Variants in CCDC178 observed in about 807,000 individuals in gnomAD.
The protein encoded by CCDC178 is coiled-coil domain containing 178, also known as coiled-coil domain-containing protein 178.
CCDC178 carries 126 observed loss-of-function variants against 117.4 expected under a neutral mutation model. The ratio of observed to expected loss-of-function variants is 1.07; its 90% CI spans 0.93 to 1.24. The LOEUF is 1.24. Ranked by LOEUF, CCDC178 falls within the 50% of genes most tolerant of loss-of-function variation. CCDC178 has a pLI of 0.00. For missense variants in CCDC178, 1,030 were observed against 986.9 expected, an observed-to-expected ratio of 1.04 and a Z score of -0.59; for synonymous variants, 283 against 313.4, an observed-to-expected ratio of 0.90 and a Z score of 1.02.
chr18:33,264,426 T>C (rs1287200308), intron 14 of CCDC178, among the ~76,000 whole-genome samples: 2 of 152,054 alleles, frequency 1.3e-5, no homozygotes, highest in Non-Finnish European at 2.9e-5. Flanking sequence ...TCTCTTAATC[T>C]CTCTTTCACT....
In CCDC178 at chr18:33,267,307, A is replaced by G. The variant is rs1209069977; in HGVS notation, c.1177-10T>C. The G allele has an allele frequency of 2.0e-6, 3 of 1,520,762 alleles. No individual in the cohort carries two copies. The highest frequency in any genetic ancestry group is 2.7e-6 in the Non-Finnish European group (3 of 1,113,178). 94.2% of individuals were successfully genotyped at this position (1,520,762 alleles called of 1,614,324 possible). On this transcript the variant is annotated splice_polypyrimidine_tract_variant and intron_variant, in intron 12 of 22. Transcript: ENST00000383096. Reference sequence around the variant, plus strand: ...TTCTCAAATCTTCCAGCTAAGAAAGAAGATATACAGAACAAAGTGAATTGT... The same window carrying G: ...TTCTCAAATCTTCCAGCTAAGAAAGGAGATATACAGAACAAAGTGAATTGT...
At chr18:33,282,370 C>G (rs997579089) in intron 12 of CCDC178, among the ~76,000 whole-genome samples, 1 of 152,132 alleles carries the variant, frequency 6.6e-6, no homozygotes, top group African/African-American at 2.4e-5. Context: ...CCTCTAGGCT[C>G]GACTTGCTCC....
At chr18:33,043,169 C>T (rs183196522) in intron 21 of CCDC178, among the ~76,000 whole-genome samples, 14 of 151,684 alleles carry the variant, frequency 9.2e-5, no homozygotes, top group East Asian at 1.9e-4. Flanking sequence ...TTTTAAAATA[C>T]GACATATAGT....
intron 22 of CCDC178, 35 bp downstream of exon 22, chr18:32,974,512 A>C (rs777650739): frequency 1.9e-6 from 3 of 1,601,424 alleles, no homozygotes; most frequent in Non-Finnish European, 2.6e-6. Context: ...AATCTAGATC[A>C]GAATGATCTT....
chr18:33,432,423 T>C (rs1013725342), intron 2 of CCDC178, among the ~76,000 whole-genome samples: 4 of 151,778 alleles, frequency 2.6e-5, no homozygotes, highest in Non-Finnish European at 5.9e-5. Flanking sequence ...TTAAAGATGG[T>C]AGTAATAGAT....
At chr18:32,950,152 G>A (rs927888338) in intron 22 of CCDC178, among the ~76,000 whole-genome samples, 1 of 152,112 alleles carries the variant, frequency 6.6e-6, no homozygotes. Context: ...TGCTTAAAAG[G>A]TTATCCAAGG....
At chr18:33,196,572 G>T (rs1198220934) in intron 20 of CCDC178, among the ~76,000 whole-genome samples, 2 of 152,020 alleles carry the variant, frequency 1.3e-5, no homozygotes, top group African/African-American at 2.4e-5. Context: ...CTGAAGTGAG[G>T]GCAGTCTGGT....
At chr18:33,294,057 A>G (rs7229041) in intron 11 of CCDC178, among the ~76,000 whole-genome samples, 148 of 152,310 alleles carry the variant, frequency 9.7e-4, no homozygotes, top group African/African-American at 3.4e-3. Flanking sequence ...AATAAAGGAA[A>G]TTGTAGCTTA....
At chr18:33,224,999 A>C in intron 16 of CCDC178, 63 bp from the exon 17 acceptor site, 1 of 1,194,458 alleles carries the variant, frequency 8.4e-7, no homozygotes, top group South Asian at 2.2e-5. Context: ...TGAGCCTCTT[A>C]TTCAGTGACA....
chr18:33,172,188 C>T (rs1293537472), intron 20 of CCDC178, among the ~76,000 whole-genome samples: 1 of 152,114 alleles, frequency 6.6e-6, no homozygotes, highest in Non-Finnish European at 1.5e-5. Flanking sequence ...AGCCACCACG[C>T]CCAGCCAATT....
At chr18:33,391,305 T>C (rs1322058568) in intron 4 of CCDC178, among the ~76,000 whole-genome samples, 1 of 151,812 alleles carries the variant, frequency 6.6e-6, no homozygotes, top group East Asian at 1.9e-4. Flanking sequence ...AAACAGCATA[T>C]TGTATTAGAA....
chr18:33,242,953 GT>G (rs959497156), intron 15 of CCDC178, among the ~76,000 whole-genome samples: 5 of 151,356 alleles, frequency 3.3e-5, no homozygotes, highest in East Asian at 1.9e-4. Flanking sequence ...GTATCCCCAT[GT>G]TTTTTTTGTG....
chr18:33,164,094 G>A (rs907984030), intron 20 of CCDC178, among the ~76,000 whole-genome samples: 4 of 139,796 alleles, frequency 2.9e-5, no homozygotes, highest in Non-Finnish European at 6.1e-5. Flanking sequence ...CTCAGGATCC[G>A]CTTACATTCT....
intron 14 of CCDC178, among the ~76,000 whole-genome samples, chr18:33,264,180 A>G (rs1038650096): frequency 6.6e-6 from 1 of 152,168 alleles, no homozygotes. Flanking sequence ...AATGTAATAT[A>G]TACTTGCTGC....
intron 20 of CCDC178, among the ~76,000 whole-genome samples, chr18:33,141,958 T>C (rs2058210769): frequency 6.6e-6 from 1 of 152,192 alleles, no homozygotes; most frequent in East Asian, 1.9e-4. Context: ...TCAGAGATGT[T>C]AGTCCTAACA....
chr18:33,162,281 A>G (rs575433888), intron 20 of CCDC178, among the ~76,000 whole-genome samples: 43 of 152,346 alleles, frequency 2.8e-4, no homozygotes, highest in African/African-American at 1.0e-3. Context: ...ATGTATACAT[A>G]TGTAACTAAC....
At chr18:33,292,485 A>G (rs1458859148) in intron 12 of CCDC178, among the ~76,000 whole-genome samples, 1 of 151,970 alleles carries the variant, frequency 6.6e-6, no homozygotes, top group East Asian at 2.0e-4. Context: ...CTTAATAGAG[A>G]AGTAAGTTTT....
chr18:32,996,278 C>T (rs1036180290), intron 21 of CCDC178, among the ~76,000 whole-genome samples: 2 of 151,776 alleles, frequency 1.3e-5, no homozygotes, highest in African/African-American at 2.4e-5. Context: ...TGTATAAAGT[C>T]CCCAGTGTAA....
At chr18:33,060,841 T>C (rs1409963792) in intron 21 of CCDC178, among the ~76,000 whole-genome samples, 1 of 152,056 alleles carries the variant, frequency 6.6e-6, no homozygotes, top group East Asian at 1.9e-4. Flanking sequence ...AGAAAAACAA[T>C]AGCACTTAAT....
Sources: gnomAD v4.1 joint callset for allele counts (sites outside exome capture counted in the v4.1 genomes callset) on GRCh38, gnomAD v4.1.1 for gene constraint, MANE v1.5 for transcripts, NCBI Gene and HGNC (gene_info 2026-07-23, HGNC 2026-07-21) for gene names.